HPSE2: variants seen among roughly 807,000 people sequenced by gnomAD.
HPSE2 encodes heparanase 2 (inactive).
HPSE2 carries 38 observed loss-of-function variants against 60.5 expected under a neutral mutation model. The ratio of observed to expected loss-of-function variants is 0.63; its 90% CI spans 0.48 to 0.82. The LOEUF is 0.82. Ranked by LOEUF, HPSE2 falls within the 40% of genes least tolerant of loss-of-function variation. HPSE2 has a pLI of 0.00. For missense variants in HPSE2, 713 were observed against 740.4 expected (o/e 0.96, Z 0.43); for synonymous variants, 295 against 293.2 (o/e 1.01, Z -0.06).
At chr10:98,631,597 T>C (rs1421070925) in intron 7 of HPSE2, among the ~76,000 whole-genome samples, 1 of 152,220 alleles carries the variant, frequency 6.6e-6, no homozygotes, top group Non-Finnish European at 1.5e-5. Context: ...TGGATGGTCA[T>C]CCTAAGTTGC....
chr10:99,154,587 C>T (rs565157234), intron 2 of HPSE2, among the ~76,000 whole-genome samples: 1 of 151,404 alleles, frequency 6.6e-6, no homozygotes, highest in Non-Finnish European at 1.5e-5. Flanking sequence ...TGCCCTAAAA[C>T]AGCTCCTGAA....
intron 3 of HPSE2, among the ~76,000 whole-genome samples, chr10:98,964,296 A>C (rs960791773): frequency 2.6e-5 from 4 of 152,146 alleles, no homozygotes; most frequent in African/African-American, 9.6e-5. Flanking sequence ...AGCTCTTTGA[A>C]AGAAAATAAC....
the HPSE2 span, among the ~76,000 whole-genome samples, chr10:99,294,961 A>T: frequency 6.6e-6 from 1 of 151,652 alleles, no homozygotes; most frequent in African/African-American, 2.4e-5. Flanking sequence ...GTCTCAAAAC[A>T]CACACACATT....
intron 2 of HPSE2, among the ~76,000 whole-genome samples, chr10:99,180,889 C>CAAAAAAA (rs68033581): frequency 2.4e-4 from 7 of 29,700 alleles, no homozygotes; most frequent in African/African-American, 1.1e-3. Context: ...GACTCCATCT[C>CAAAAAAA]AAAAAAAAAA....
At chr10:99,138,757 G>C (rs988675229) in intron 3 of HPSE2, among the ~76,000 whole-genome samples, 4 of 152,174 alleles carry the variant, frequency 2.6e-5, no homozygotes, top group Non-Finnish European at 5.9e-5. Flanking sequence ...TGGGGGGCTA[G>C]GGGAGGGATA....
the HPSE2 span, among the ~76,000 whole-genome samples, chr10:99,292,058 C>G: frequency 1.3e-5 from 2 of 151,940 alleles, no homozygotes; most frequent in African/African-American, 4.8e-5. Flanking sequence ...CCAGAGGGGG[C>G]CAAATAAATG....
At chr10:98,736,041 TC>T (rs1949348534) in intron 4 of HPSE2, among the ~76,000 whole-genome samples, 1 of 152,094 alleles carries the variant, frequency 6.6e-6, no homozygotes, top group Non-Finnish European at 1.5e-5. Flanking sequence ...TTTGGCTGTG[TC>T]CCCACTCAAA....
intron 3 of HPSE2, among the ~76,000 whole-genome samples, chr10:98,888,339 A>C (rs532831699): frequency 1.3e-5 from 2 of 151,798 alleles, no homozygotes; most frequent in Non-Finnish European, 2.9e-5. Context: ...CACTATAAAG[A>C]AATCATCTTT....
chr10:98,726,527 C>T (rs2134269085), intron 4 of HPSE2, among the ~76,000 whole-genome samples: 1 of 151,060 alleles, frequency 6.6e-6, no homozygotes, highest in Non-Finnish European at 1.5e-5. Context: ...GGAGATATAC[C>T]TAATGCTAAA....
intron 2 of HPSE2, among the ~76,000 whole-genome samples, chr10:99,182,031 C>T (rs542476939): frequency 2.1e-4 from 32 of 152,294 alleles, no homozygotes; most frequent in African/African-American, 7.0e-4. Context: ...CCTCCTGACA[C>T]CTTAATCTTA....
chr10:99,000,849 C>A (rs186409677), intron 3 of HPSE2, among the ~76,000 whole-genome samples: 3 of 152,086 alleles, frequency 2.0e-5, no homozygotes, highest in African/African-American at 7.2e-5. Context: ...TAGTAAAATT[C>A]TATTTTAAAG....
chr10:98,587,579 A>G (rs941679888), intron 9 of HPSE2, among the ~76,000 whole-genome samples: 2 of 152,206 alleles, frequency 1.3e-5, no homozygotes, highest in African/African-American at 4.8e-5. Flanking sequence ...CTCTTAATAA[A>G]AAATTCAAGT....
intron 2 of HPSE2, among the ~76,000 whole-genome samples, chr10:99,169,192 CAA>C (rs751491579): frequency 1.6e-4 from 8 of 50,504 alleles, no homozygotes; most frequent in Admixed American, 2.7e-4. Context: ...GACTCCGTCT[CAA>C]AAAAAAAAAA....
intron 3 of HPSE2, among the ~76,000 whole-genome samples, chr10:98,805,516 C>A: frequency 1.3e-5 from 2 of 151,196 alleles, no homozygotes; most frequent in African/African-American, 2.4e-5. Flanking sequence ...TCTTGTGTAC[C>A]TCATAAATAT....
chr10:99,136,823 A>T (rs937483363), intron 3 of HPSE2, among the ~76,000 whole-genome samples: 2 of 152,150 alleles, frequency 1.3e-5, no homozygotes, highest in African/African-American at 2.4e-5. Context: ...CCCTTTGAAA[A>T]CCAGCGAAAG....
chr10:98,760,597 CATTT>C (rs1474153803), intron 3 of HPSE2, among the ~76,000 whole-genome samples: 6 of 152,028 alleles, frequency 3.9e-5, no homozygotes, highest in African/African-American at 1.4e-4. Flanking sequence ...TGGTATATCA[CATTT>C]AGTGATTTGT....
intron 3 of HPSE2, among the ~76,000 whole-genome samples, chr10:99,090,135 C>T (rs1843462627): frequency 6.6e-6 from 1 of 152,050 alleles, no homozygotes; most frequent in African/African-American, 2.4e-5. Flanking sequence ...ATTGGGCTTC[C>T]TCTTTACTGA....
chr10:98,562,986 C>G (rs763882164), intron 9 of HPSE2, among the ~76,000 whole-genome samples: 1 of 151,958 alleles, frequency 6.6e-6, no homozygotes, highest in Non-Finnish European at 1.5e-5. Context: ...AACAAACAAA[C>G]AAACAAACCC....
intron 3 of HPSE2, among the ~76,000 whole-genome samples, chr10:98,868,636 T>C (rs1404945342): frequency 6.6e-6 from 1 of 152,210 alleles, no homozygotes; most frequent in Non-Finnish European, 1.5e-5. Context: ...ACCTACTATG[T>C]ATCTACAAAA....
Sources: gnomAD v4.1 joint callset for allele counts (sites outside exome capture counted in the v4.1 genomes callset) on GRCh38, gnomAD v4.1.1 for gene constraint, MANE v1.5 for transcripts, NCBI Gene and HGNC (gene_info 2026-07-23, HGNC 2026-07-21) for gene names.